The following CACNA1B variants were observed in gnomAD, a reference collection of about 807,000 sequenced individuals.
CACNA1B encodes voltage-dependent N-type calcium channel subunit alpha-1B.
Under a neutral mutation model 247.2 loss-of-function variants are expected in CACNA1B, and 70 were observed. That is an observed-to-expected ratio of 0.28 (90% CI 0.23 to 0.35). The LOEUF (loss-of-function observed/expected upper bound fraction) is 0.35, where lower values mean the gene tolerates loss of function less well. CACNA1B is among the 10% of genes least tolerant of loss of function. The pLI is 1.00. For synonymous variants in CACNA1B, 1,231 were observed against 1,294.4 expected (o/e 0.95, Z 1.05); for missense variants, 2,367 against 3,197.4 (o/e 0.74, Z 6.26).
At chr9:138,083,238 C>T (rs1960585364) in intron 36 of CACNA1B, among the ~76,000 whole-genome samples, 1 of 150,888 alleles carries the variant, frequency 6.6e-6, no homozygotes, top group Non-Finnish European at 1.5e-5. Context: ...GGAGTAGCCG[C>T]AGCTTCCCTT....
intron 6 of CACNA1B, among the ~76,000 whole-genome samples, chr9:137,949,626 G>T (rs562614203): frequency 6.6e-6 from 1 of 152,030 alleles, no homozygotes; most frequent in Non-Finnish European, 1.5e-5. Flanking sequence ...TCTGCCTGGC[G>T]GGCTTGTGTG....
rs150939333 is a variant in CACNA1B at position 137,905,827 on chromosome 9, G to A, written c.531-7353G>A. 3.0e-4 allele frequency among the ~76,000 whole-genome samples: 46 copies of A among 152,312 alleles called. No homozygotes were observed. In the East Asian group the frequency reaches 8.7e-3, roughly 29 times the overall value. ...TTCCTGGGGTTAAATATGCTGGTTC[G>A]CTGAAGACACTGTCACCTCCCGACA... On this transcript the variant is annotated intron_variant, in intron 3 of 46. Coordinates refer to ENST00000371372, the MANE Select transcript of CACNA1B (RefSeq NM_000718.4).
intron 15 of CACNA1B, among the ~76,000 whole-genome samples, chr9:138,005,815 G>A (rs1958640266): frequency 6.6e-6 from 1 of 152,142 alleles, no homozygotes; most frequent in Non-Finnish European, 1.5e-5. Flanking sequence ...AGGCCGAGGT[G>A]GGCGGATCAC....
In CACNA1B at chr9:137,881,347, G is replaced by A. The variant is rs1311944889; in HGVS notation, c.391-1397G>A. Reference sequence around the variant, plus strand: ...CTTGGGCCAGCTCCACCACAGGACAGGAGGAGCCCAGGCTGAGTAAGGTGG... The same window carrying A: ...CTTGGGCCAGCTCCACCACAGGACAAGAGGAGCCCAGGCTGAGTAAGGTGG... On this transcript the variant is annotated intron_variant, in intron 2 of 46. Coordinates refer to ENST00000371372, the MANE Select transcript of CACNA1B (RefSeq NM_000718.4). The surrounding 1 kb of genome is among the most constrained non-coding windows in gnomAD (Gnocchi z 4.3). Among the ~76,000 whole-genome samples, 8 of 152,180 alleles carry A rather than the reference G, an allele frequency of 5.3e-5. No homozygotes were observed. The highest frequency in any genetic ancestry group is 1.2e-4 in the Non-Finnish European group (8 of 68,014).
intron 23 of CACNA1B, 59 bp downstream of exon 23, chr9:138,047,517 A>G: frequency 8.3e-7 from 1 of 1,200,722 alleles, no homozygotes; most frequent in Non-Finnish European, 1.2e-6. Context: ...CTCATGATTG[A>G]GATGGGACCA....
intron 6 of CACNA1B, among the ~76,000 whole-genome samples, chr9:137,951,951 G>C (rs923752375): frequency 6.6e-6 from 1 of 152,146 alleles, no homozygotes; most frequent in African/African-American, 2.4e-5. Context: ...ATGCCACCTC[G>C]GGGCATCCAC....
chr9:138,078,542 G>A (rs1395681192), intron 36 of CACNA1B, among the ~76,000 whole-genome samples: 1 of 152,252 alleles, frequency 6.6e-6, no homozygotes, highest in East Asian at 1.9e-4. Context: ...GTCATCCACT[G>A]TGGTGATGGG....
chr9:137,896,686 G>T (rs918170788), intron 3 of CACNA1B, among the ~76,000 whole-genome samples: 1 of 152,210 alleles, frequency 6.6e-6, no homozygotes, highest in African/African-American at 2.4e-5. Flanking sequence ...AAAAGCCGTT[G>T]TGTGAAAACG....
At position 138,047,045 on chromosome 9, in the gene CACNA1B, G is replaced by A. The variant is rs202217838; in HGVS notation, c.3543+12G>A. ...CGCCCAGGAACAACGTGAGTGGCCC[G>A]GATGGCCGGGTCCCCGCCAGGCTGT... On this transcript the variant is annotated intron_variant, in intron 22 of 46. Coordinates refer to ENST00000371372, the MANE Select transcript of CACNA1B (RefSeq NM_000718.4). 172 of 1,600,094 alleles carry A rather than the reference G, an allele frequency of 1.1e-4. No individual in the cohort carries two copies. Among genetic ancestry groups the A allele is most frequent in the East Asian group, 1.8e-4 (8 of 44,348 alleles).
rs1429545106 is a variant in CACNA1B at position 137,964,251 on chromosome 9, AGGAAGTTCTCCT to A, written c.1333+6568_1333+6579del. On this transcript the variant is annotated intron_variant, in intron 10 of 46. Coordinates refer to ENST00000371372, the MANE Select transcript of CACNA1B (RefSeq NM_000718.4). Reference sequence around the variant, plus strand: ...AATGTTGGCCAGTCTTGCTAGGTTGAGGAAGTTCTCCTGGATGATATCCTGAAGTACATTTTC... The same window carrying A: ...AATGTTGGCCAGTCTTGCTAGGTTGAGGATGATATCCTGAAGTACATTTTC... Among the ~76,000 whole-genome samples, 3 of 152,316 alleles carry A rather than the reference AGGAAGTTCTCCT, an allele frequency of 2.0e-5. No individual in the cohort carries two copies. The East Asian group carries it at 5.8e-4, about 29-fold the overall frequency.
chr9:138,042,350 G>A (rs947621211), intron 20 of CACNA1B, among the ~76,000 whole-genome samples: 26 of 152,246 alleles, frequency 1.7e-4, no homozygotes, highest in African/African-American at 5.8e-4. Context: ...CTCGGGATGC[G>A]GAGGCAGGAG....
intron 3 of CACNA1B, among the ~76,000 whole-genome samples, chr9:137,883,533 G>T (rs1309460690): frequency 1.3e-5 from 2 of 150,692 alleles, no homozygotes; most frequent in Non-Finnish European, 3.0e-5. Context: ...CTCAGGTCCA[G>T]TGCTCTGCAC....
intron 18 of CACNA1B, among the ~76,000 whole-genome samples, chr9:138,019,672 G>A (rs115509525): frequency 0.011 from 1,621 of 152,336 alleles, 26 homozygotes; most frequent in African/African-American, 0.037. Flanking sequence ...TTCCTTGCTG[G>A]CAGCCAGCAT....
intron 36 of CACNA1B, 121 bp downstream of exon 36, chr9:138,078,379 T>C: frequency 1.0e-6 from 1 of 965,466 alleles, no homozygotes; most frequent in Non-Finnish European, 1.6e-6. Flanking sequence ...GCTGAGTCCA[T>C]GCTGATGGCC....
At chr9:137,934,770 A>G (rs1339272701) in intron 6 of CACNA1B, among the ~76,000 whole-genome samples, 2 of 152,202 alleles carry the variant, frequency 1.3e-5, no homozygotes, top group Non-Finnish European at 2.9e-5. Context: ...CTCTAGGAAA[A>G]TGGGGAGAGT....
At chr9:137,884,789 A>T (rs1956980802) in intron 3 of CACNA1B, among the ~76,000 whole-genome samples, 1 of 151,960 alleles carries the variant, frequency 6.6e-6, no homozygotes, top group African/African-American at 2.4e-5. Flanking sequence ...GAGAGGAGGC[A>T]GGAGGAGTTG....
intron 15 of CACNA1B, among the ~76,000 whole-genome samples, chr9:137,996,186 T>A (rs574629238): frequency 7.2e-5 from 11 of 152,344 alleles, no homozygotes; most frequent in Admixed American, 4.6e-4. Flanking sequence ...GAAGTCATTA[T>A]ATGAAAAAGG....
chr9:137,972,461 C>A (rs565530326), intron 11 of CACNA1B, among the ~76,000 whole-genome samples: 1 of 152,114 alleles, frequency 6.6e-6, no homozygotes, highest in Non-Finnish European at 1.5e-5. Flanking sequence ...GCCGAGGCAC[C>A]CAGGAAAGCC....
At chr9:137,996,575 C>T (rs1239682419) in intron 15 of CACNA1B, among the ~76,000 whole-genome samples, 2 of 151,982 alleles carry the variant, frequency 1.3e-5, no homozygotes, top group Non-Finnish European at 2.9e-5. Flanking sequence ...GATGGGTGCA[C>T]CAAAATCTCA....
Sources: allele counts gnomAD v4.1 joint callset (sites outside exome capture counted in the v4.1 genomes callset), GRCh38; gene constraint gnomAD v4.1.1; non-coding constraint Gnocchi (gnomAD v3.1); transcripts MANE v1.5; gene names NCBI Gene and HGNC (gene_info 2026-07-23, HGNC 2026-07-21).